Variants in ITPRID1 observed in about 807,000 individuals in gnomAD.
ITPRID1 encodes protein ITPRID1.
In ITPRID1, 96 loss-of-function variants were observed where a neutral mutation model predicts 95.4. The ratio of observed to expected loss-of-function variants is 1.01; its 90% CI spans 0.85 to 1.19. ITPRID1 has a LOEUF of 1.19. ITPRID1 is among the 50% of genes most tolerant of loss of function. The pLI is 0.00. For missense variants in ITPRID1, 1,339 were observed against 1,252.9 expected (o/e 1.07, Z -1.04); for synonymous variants, 510 against 453.6 (o/e 1.12, Z -1.58).
chr7:31,642,918 G>A lies in ITPRID1; in HGVS notation c.1548G>A (p.Glu516=). ...FLLEAMEGPP[E]LYIPDMACAK... is the part of the protein sequence containing the mutation. ...TTGAGGCCATGGAGGGGCCACCAGA[G>A]CTGTATATCCCAGACATGGCCTGTG... The change falls in exon 12 of 15, where the codon GAG becomes GAA. Residue 516 remains glutamate (E), a synonymous_variant. Transcript: ENST00000615280. 2.5e-6 allele frequency: 4 copies of A among 1,614,038 alleles called. No individual in the cohort carries two copies. Among genetic ancestry groups the A allele is most frequent in the South Asian group, 1.1e-5 (1 of 91,084 alleles).
chr7:31,656,194 C>T lies in ITPRID1; in HGVS notation c.*3365C>T. ...TTACCATTATCTGTGTAGGTCATAT[C>T]TTCTCTAGTAAACTTAAAGCTATTT... On this transcript the variant is annotated 3_prime_UTR_variant, in exon 15 of 15. Coordinates refer to ENST00000615280, the MANE Select transcript of ITPRID1 (RefSeq NM_001257967.3). The T allele has an allele frequency of 4.1e-6, 1 of 241,254 alleles. No individual in the cohort carries two copies. Among genetic ancestry groups the T allele is most frequent in the Non-Finnish European group, 6.7e-6 (1 of 149,652 alleles). 14.9% of individuals were successfully genotyped at this position (241,254 alleles called of 1,614,324 possible).
At chr7:31,587,116 A>G (rs1008416813) in intron 10 of ITPRID1, among the ~76,000 whole-genome samples, 1 of 152,198 alleles carries the variant, frequency 6.6e-6, no homozygotes, top group Admixed American at 6.5e-5. Flanking sequence ...CCTTTTCAAC[A>G]TAGTGTTGGA....
At chr7:31,633,740 A>C (rs562514306) in intron 10 of ITPRID1, among the ~76,000 whole-genome samples, 12 of 152,200 alleles carry the variant, frequency 7.9e-5, no homozygotes, top group Non-Finnish European at 1.6e-4. Flanking sequence ...ATTTTGTACC[A>C]TTGGAGGACA....
At chr7:31,641,406 C>A (rs1179785310) in intron 10 of ITPRID1, among the ~76,000 whole-genome samples, 1 of 152,112 alleles carries the variant, frequency 6.6e-6, no homozygotes, top group Non-Finnish European at 1.5e-5. Flanking sequence ...TTGCAACCCC[C>A]TTCCTCCTGA....
chr7:31,563,941 C>T (rs1004482274), intron 5 of ITPRID1, among the ~76,000 whole-genome samples: 1 of 152,100 alleles, frequency 6.6e-6, no homozygotes, highest in Non-Finnish European at 1.5e-5. Context: ...ACAAATGTTG[C>T]TGACTGCCTC....
chr7:31,555,361 G>T (rs918238786), intron 5 of ITPRID1: 2 of 152,940 alleles, frequency 1.3e-5, no homozygotes, highest in African/African-American at 4.8e-5. Context: ...AACAGTACAA[G>T]TATTTCTGAA....
chr7:31,580,693 C>T (rs763295098), intron 9 of ITPRID1, among the ~76,000 whole-genome samples: 7 of 152,158 alleles, frequency 4.6e-5, no homozygotes, highest in South Asian at 2.1e-4. Context: ...CATGTTTCTT[C>T]GGCACATAGT....
chr7:31,625,170 T>C (rs1210169427), intron 10 of ITPRID1, among the ~76,000 whole-genome samples: 2 of 152,126 alleles, frequency 1.3e-5, no homozygotes, highest in Admixed American at 6.5e-5. Context: ...TTTACATTGT[T>C]GGTGGGACTG....
chr7:31,549,419 T>G lies in ITPRID1; in HGVS notation c.-97-7T>G. 1 of 1,421,522 alleles carries G rather than the reference T, an allele frequency of 7.0e-7. No individual in the cohort carries two copies. 88.1% of individuals were successfully genotyped at this position (1,421,522 alleles called of 1,614,324 possible). On this transcript the variant is annotated splice_polypyrimidine_tract_variant and splice_region_variant and intron_variant, in intron 1 of 14. Coordinates refer to ENST00000615280, the MANE Select transcript of ITPRID1 (RefSeq NM_001257967.3). The stretch of plus-strand genomic sequence containing the variant: ...GCATTGATTGGTGATTCTTCTTTAC[T>G]TGACAGTTCCTGACAGGATAAGGAC...
At chr7:31,529,401 G>C in intron 1 of ITPRID1, 1 of 207,370 alleles carries the variant, frequency 4.8e-6, no homozygotes. Flanking sequence ...AGGTCAAAGA[G>C]CATTAAAGGA....
chr7:31,631,595 G>A lies in ITPRID1; in HGVS notation c.1229-10581G>A, dbSNP rs1049918229. Among the ~76,000 whole-genome samples the A allele has an allele frequency of 3.9e-5, 6 of 152,034 alleles. No individual in the cohort carries two copies. The South Asian group carries it at 8.3e-4, about 21-fold the overall frequency. ...AAAGATAAGTTAATTTTACAGAAGC[G>A]GATTTTTCTTTAATGATGAAGGAAG... On this transcript the variant is annotated intron_variant, in intron 10 of 14. Coordinates refer to ENST00000615280, the MANE Select transcript of ITPRID1 (RefSeq NM_001257967.3).
intron 10 of ITPRID1, among the ~76,000 whole-genome samples, chr7:31,623,785 A>C (rs549819858): frequency 6.6e-6 from 1 of 151,990 alleles, no homozygotes; most frequent in Non-Finnish European, 1.5e-5. Context: ...ATTAGGCAGG[A>C]GAAGGAAATA....
chr7:31,658,467 G>A, downstream of ITPRID1: 3 of 1,328,712 alleles, frequency 2.3e-6, no homozygotes, highest in Non-Finnish European at 2.9e-6. Flanking sequence ...CATTTGTAAA[G>A]AGGTTAGAGT....
chr7:31,623,534 G>T (rs1295409848), intron 10 of ITPRID1, among the ~76,000 whole-genome samples: 1 of 149,918 alleles, frequency 6.7e-6, no homozygotes, highest in Non-Finnish European at 1.5e-5. Flanking sequence ...TGCAGAAAAG[G>T]CCTTTGACAA....
At chr7:31,599,101 GA>G (rs570264603) in intron 10 of ITPRID1, among the ~76,000 whole-genome samples, 5 of 152,162 alleles carry the variant, frequency 3.3e-5, no homozygotes, top group Admixed American at 6.5e-5. Flanking sequence ...GCAGAAGAAT[GA>G]AAGTATAAGA....
At chr7:31,647,374 ATGG>A (rs1382245178) in intron 12 of ITPRID1, among the ~76,000 whole-genome samples, 1 of 152,182 alleles carries the variant, frequency 6.6e-6, no homozygotes, top group African/African-American at 2.4e-5. Context: ...TTAGAAGATA[ATGG>A]GAGGCCAGGC....
intron 12 of ITPRID1, among the ~76,000 whole-genome samples, chr7:31,646,884 A>C (rs1790512736): frequency 6.6e-6 from 1 of 152,214 alleles, no homozygotes; most frequent in South Asian, 2.1e-4. Context: ...TATACAAAAA[A>C]AGGTACTTTT....
At chr7:31,610,731 T>C (rs190892222) in intron 10 of ITPRID1, among the ~76,000 whole-genome samples, 319 of 151,750 alleles carry the variant, frequency 2.1e-3, no homozygotes, top group Non-Finnish European at 3.4e-3. Flanking sequence ...TTATTGTCTA[T>C]ATAATAGGTA....
chr7:31,519,645 T>TATATATATATATATATATATATATAA lies in ITPRID1; in HGVS notation c.-98+5526_-98+5527insTATATATATATATATATATATATAAA, dbSNP rs1332451516. ...CTATATATATATATATATATATATA[T>TATATATATATATATATATATATATAA]AAATCTTATGTTATCCTGCTGGTAT... On this transcript the variant is annotated intron_variant, in intron 1 of 14. Coordinates refer to ENST00000615280, the MANE Select transcript of ITPRID1 (RefSeq NM_001257967.3). 8.0e-4 allele frequency among the ~76,000 whole-genome samples: 92 copies of TATATATATATATATATATATATATAA among 115,028 alleles called. 2 individuals are homozygous for TATATATATATATATATATATATATAA. Among genetic ancestry groups the TATATATATATATATATATATATATAA allele is most frequent in the Admixed American group, 1.2e-3 (12 of 9,716 alleles). 75.5% of individuals were successfully genotyped at this position (115,028 alleles called of 152,430 possible). A position where few individuals can be genotyped will look rare whatever the true frequency, so the allele number is the denominator to read the frequency against.
Sources: allele counts gnomAD v4.1 joint callset (sites outside exome capture counted in the v4.1 genomes callset), GRCh38; gene constraint gnomAD v4.1.1; transcripts MANE v1.5; gene names NCBI Gene and HGNC (gene_info 2026-07-23, HGNC 2026-07-21).